Variants in SLC36A1 observed in about 807,000 individuals in gnomAD.
SLC36A1 encodes solute carrier family 36 member 1.
A neutral mutation model predicts 47.5 loss-of-function variants in SLC36A1; 30 were observed. That is an observed-to-expected ratio of 0.63 (90% CI 0.47 to 0.86). SLC36A1 has a LOEUF of 0.86. Ranked by LOEUF, SLC36A1 falls within the 40% of genes least tolerant of loss-of-function variation. The probability of loss-of-function intolerance (pLI) is 0.00; values close to 1 mark genes in which losing one functional copy is unlikely to be tolerated. For synonymous variants in SLC36A1, 255 were observed against 249.7 expected (o/e 1.02, Z -0.20); for missense variants, 517 against 606.0 (o/e 0.85, Z 1.54).
At chr5:151,435,990 TTAA>T (rs1219110722), upstream of SLC36A1, among the ~76,000 whole-genome samples, 2 of 152,116 alleles carry the variant, frequency 1.3e-5, no homozygotes, top group Non-Finnish European at 2.9e-5. Flanking sequence ...TATATTAATA[TTAA>T]TATCAATAAT....
the SLC36A1 span, chr5:151,540,876 A>G: frequency 3.5e-4 from 347 of 980,124 alleles, 2 homozygotes; most frequent in Middle Eastern, 2.0e-3. Context: ...GAAAGCAAAC[A>G]TTTCCTTCCT....
At chr5:151,438,585 G>A (rs1204159355) in intron 1 of SLC36A1, among the ~76,000 whole-genome samples, 2 of 152,186 alleles carry the variant, frequency 1.3e-5, no homozygotes, top group Non-Finnish European at 2.9e-5. Flanking sequence ...GCAGCATTTT[G>A]TTCCAAGAAG....
At chr5:151,428,364 G>A in the SLC36A1 span, among the ~76,000 whole-genome samples, 1 of 152,112 alleles carries the variant, frequency 6.6e-6, no homozygotes, top group Non-Finnish European at 1.5e-5. Context: ...CAAAAACCAG[G>A]TGTTTTTACT....
chr5:151,348,560 T>C, the SLC36A1 span, among the ~76,000 whole-genome samples: 1 of 152,198 alleles, frequency 6.6e-6, no homozygotes, highest in African/African-American at 2.4e-5. Flanking sequence ...GTCAGGCCCC[T>C]CCCTTACATG....
At chr5:151,525,707 G>T in the SLC36A1 span, 3 of 1,585,494 alleles carry the variant, frequency 1.9e-6, no homozygotes, top group Non-Finnish European at 1.7e-6. Context: ...CACTGGTGGG[G>T]CTTTTGCCAG....
chr5:151,528,162 G>T, the SLC36A1 span: 1 of 1,609,996 alleles, frequency 6.2e-7, no homozygotes, highest in Non-Finnish European at 8.5e-7. Context: ...ATTGTGAATG[G>T]AGGGACAGGA....
At chr5:151,446,843 T>C (rs547149433), upstream of SLC36A1, among the ~76,000 whole-genome samples, 1 of 152,362 alleles carries the variant, frequency 6.6e-6, no homozygotes, top group South Asian at 2.1e-4. Flanking sequence ...AGTTGCTCTA[T>C]CCATTGTTGA....
At chr5:151,347,476 A>G in the SLC36A1 span, 12 of 1,613,132 alleles carry the variant, frequency 7.4e-6, no homozygotes, top group African/African-American at 1.5e-4. Context: ...CTTAAGAAAC[A>G]AGGAGCTCGG....
the SLC36A1 span, among the ~76,000 whole-genome samples, chr5:151,525,396 C>T: frequency 3.9e-5 from 6 of 152,224 alleles, no homozygotes; most frequent in Non-Finnish European, 7.3e-5. Context: ...GAGAGCTGTT[C>T]TGGCTAAGCT....
Position 151,488,211 on chromosome 5 carries a change from GC to G in SLC36A1, c.1389del (p.Ser463ArgfsTer45). 6.2e-7 allele frequency: 1 copy of G among 1,614,168 alleles called. No homozygotes were observed. The highest frequency in any genetic ancestry group is 1.1e-5 in the South Asian group (1 of 91,080). Reference sequence around the variant, plus strand: ...GCTCTCTATGAGCTGATCCAGCCAAGCAATGCTCCCATCTTCATCAATTCCA... The same window carrying G: ...GCTCTCTATGAGCTGATCCAGCCAAGAATGCTCCCATCTTCATCAATTCCA... ...YEALYELIQPSNAPIFINSTC... is the reference protein window; with the variant it reads ...YEALYELIQPXNAPIFINSTC... On this transcript the variant is annotated frameshift_variant, in exon 11 of 11. Transcript: ENST00000243389. LOFTEE classifies it high-confidence loss of function.
chr5:151,425,908 A>G, the SLC36A1 span, among the ~76,000 whole-genome samples: 3 of 152,156 alleles, frequency 2.0e-5, no homozygotes, highest in African/African-American at 7.2e-5. Flanking sequence ...TTCTGGAAGC[A>G]ATCACTGTTA....
At chr5:151,533,992 G>T in the SLC36A1 span, among the ~76,000 whole-genome samples, 1 of 152,118 alleles carries the variant, frequency 6.6e-6, no homozygotes, top group African/African-American at 2.4e-5. Flanking sequence ...TCACTCTTCA[G>T]AAAATTGATC....
chr5:151,456,712 T>C (rs975498011), intron 1 of SLC36A1, among the ~76,000 whole-genome samples: 1 of 152,194 alleles, frequency 6.6e-6, no homozygotes, highest in Non-Finnish European at 1.5e-5. Flanking sequence ...TTCCAGGTCC[T>C]TTGCTGGCAT....
At chr5:151,424,030 G>A in the SLC36A1 span, among the ~76,000 whole-genome samples, 2 of 152,152 alleles carry the variant, frequency 1.3e-5, no homozygotes, top group South Asian at 4.1e-4. Context: ...GGAAGACTAA[G>A]AACTCTGCCA....
At chr5:151,525,488 G>C in the SLC36A1 span, among the ~76,000 whole-genome samples, 1 of 152,204 alleles carries the variant, frequency 6.6e-6, no homozygotes, top group African/African-American at 2.4e-5. Context: ...GAGTGCTTGG[G>C]TTTGAAGCAA....
chr5:151,533,321 A>G, the SLC36A1 span, among the ~76,000 whole-genome samples: 6 of 151,778 alleles, frequency 4.0e-5, no homozygotes, highest in Admixed American at 2.6e-4. Flanking sequence ...GCTCTGATGT[A>G]TTCCAGATCT....
chr5:151,399,081 TA>T, the SLC36A1 span, among the ~76,000 whole-genome samples: 1,074 of 88,674 alleles, frequency 0.012, 4 homozygotes, highest in East Asian at 0.031. Flanking sequence ...TATATATATA[TA>T]TATTTTTTTT....
the SLC36A1 span, among the ~76,000 whole-genome samples, chr5:151,536,222 A>G: frequency 6.7e-5 from 2 of 29,966 alleles, no homozygotes; most frequent in Non-Finnish European, 1.3e-4. Flanking sequence ...CCATATTCAG[A>G]AAAAAAAACG....
At chr5:151,542,197 T>C in the SLC36A1 span, 30 of 1,334,448 alleles carry the variant, frequency 2.2e-5, no homozygotes, top group African/African-American at 3.7e-4. Context: ...AAGTGGCAAA[T>C]CCAGGACATG....
Sources: allele counts gnomAD v4.1 joint callset (sites outside exome capture counted in the v4.1 genomes callset), GRCh38; gene constraint gnomAD v4.1.1; transcripts MANE v1.5; gene names NCBI Gene and HGNC (gene_info 2026-07-23, HGNC 2026-07-21).